The following PSD2 variants were observed in gnomAD, a reference collection of about 807,000 sequenced individuals.
PSD2 encodes the protein pleckstrin and Sec7 domain containing 2, also known as PH and SEC7 domain-containing protein 2.
In PSD2, 38 loss-of-function variants were observed where a neutral mutation model predicts 69.8. The observed-to-expected ratio is 0.54, with a 90% CI of 0.42 to 0.71. PSD2 has a LOEUF of 0.71. Among genes scored for constraint, PSD2 ranks in the 30% least tolerant of loss-of-function variants. The pLI is 0.00. For synonymous variants in PSD2, 412 were observed against 423.0 expected (o/e 0.97, Z 0.32); for missense variants, 943 against 1,014.5 (o/e 0.93, Z 0.96).
chr5:139,753,742 G>T, the PSD2 span, among the ~76,000 whole-genome samples: 1 of 152,144 alleles, frequency 6.6e-6, no homozygotes, highest in Non-Finnish European at 1.5e-5. Context: ...CTCTCAGGAC[G>T]CCTGCTGCAT....
the PSD2 span, among the ~76,000 whole-genome samples, chr5:139,759,444 C>T: frequency 6.6e-6 from 1 of 152,110 alleles, no homozygotes; most frequent in African/African-American, 2.4e-5. Context: ...CACCGTATAT[C>T]ATGTCTGCAG....
At chr5:139,751,255 G>T in the PSD2 span, among the ~76,000 whole-genome samples, 3 of 152,126 alleles carry the variant, frequency 2.0e-5, no homozygotes, top group Non-Finnish European at 2.9e-5. Flanking sequence ...CCTGAGAGGG[G>T]GGCGGAGGTG....
intron 1 of PSD2, among the ~76,000 whole-genome samples, chr5:139,804,642 G>T (rs536652672): frequency 1.3e-5 from 2 of 152,224 alleles, no homozygotes; most frequent in South Asian, 2.1e-4. Context: ...TGCTTCCCTG[G>T]GTCAGCTGTG....
intron 1 of PSD2, among the ~76,000 whole-genome samples, chr5:139,807,004 G>C (rs562064232): frequency 1.3e-5 from 2 of 152,360 alleles, no homozygotes; most frequent in East Asian, 3.9e-4. Context: ...GCTGGAGCTA[G>C]CCTGAGGCAG....
chr5:139,809,671 C>T lies in PSD2; in HGVS notation c.231C>T (p.Leu77=), dbSNP rs1240546109. 1 of 1,614,142 alleles carries T rather than the reference C, an allele frequency of 6.2e-7. No individual in the cohort carries two copies. Among genetic ancestry groups the T allele is most frequent in the African/African-American group, 1.3e-5 (1 of 74,942 alleles). The change falls in exon 2 of 15, where the codon CTC becomes CTT. Residue 77 remains leucine (L), a synonymous_variant. Transcript: ENST00000274710. ...ATGGCCTCAGCCTTGGCCTCTCTCT[C>T]ACCAATGGCCTAGCCCTGGGGCCAG... is the stretch of plus-strand genomic sequence containing the variant. The part of the protein sequence containing the change: ...AFHGLSLGLS[L]TNGLALGPDL...
chr5:139,783,607 A>G, the PSD2 span, among the ~76,000 whole-genome samples: 1 of 152,164 alleles, frequency 6.6e-6, no homozygotes, highest in East Asian at 1.9e-4. Flanking sequence ...TCTGAAGTTT[A>G]TGAATTGTAG....
chr5:139,814,319 T>C lies in PSD2; in HGVS notation c.971T>C (p.Leu324Pro). 6.2e-7 allele frequency: 1 copy of C among 1,612,090 alleles called. No homozygotes were observed. Among genetic ancestry groups the C allele is most frequent in the Non-Finnish European group, 8.5e-7 (1 of 1,179,266 alleles). The stretch of plus-strand genomic sequence containing the variant: ...CGGCTGGCACGCCGTCTCTACCACC[T>C]CGAGGGCTTCCAGCGCTGTGATGTG... ...AHRLARRLYH[L>P]EGFQRCDVAR... is the part of the protein sequence containing the mutation. The change falls in exon 4 of 15, where the codon CTC becomes CCC. Residue 324 changes from leucine to proline, a missense_variant. Physicochemically the swap from Leu to Pro is moderately conservative, Grantham distance 98. Transcript: ENST00000274710. The surrounding 1 kb of genome is among the most constrained non-coding windows in gnomAD (Gnocchi z 4.4).
chr5:139,770,111 C>T, the PSD2 span, among the ~76,000 whole-genome samples: 6,187 of 152,260 alleles, frequency 0.041, 175 homozygotes, highest in East Asian at 0.089. Flanking sequence ...GACCCCACCA[C>T]ATGTGGGGGC....
intron 7 of PSD2, among the ~76,000 whole-genome samples, chr5:139,830,364 T>TCC (rs1175092484): frequency 7.1e-6 from 1 of 140,590 alleles, no homozygotes; most frequent in Non-Finnish European, 1.5e-5. Flanking sequence ...TTTTTTTTTT[T>TCC]CCTTTTGAGA....
chr5:139,840,872 A>T (rs891249855), intron 14 of PSD2, among the ~76,000 whole-genome samples: 1 of 152,098 alleles, frequency 6.6e-6, no homozygotes, highest in Admixed American at 6.5e-5. Context: ...TTTAATTTGG[A>T]TTTTAAAACA....
chr5:139,771,791 C>T, the PSD2 span, among the ~76,000 whole-genome samples: 4 of 152,124 alleles, frequency 2.6e-5, no homozygotes, highest in Non-Finnish European at 5.9e-5. Context: ...GGCAGTGTAG[C>T]GCATATGGGG....
At chr5:139,755,922 G>A in the PSD2 span, among the ~76,000 whole-genome samples, 135,165 of 152,116 alleles carry the variant, frequency 0.89, 60,079 homozygotes, top group East Asian at 0.9. Context: ...CTTAAAAAAA[G>A]CACAATGCAA....
At chr5:139,768,736 A>C in the PSD2 span, among the ~76,000 whole-genome samples, 157 of 151,876 alleles carry the variant, frequency 1.0e-3, no homozygotes, top group Non-Finnish European at 1.8e-3. Context: ...AAAAAAAAAA[A>C]AACAACACCT....
the PSD2 span, among the ~76,000 whole-genome samples, chr5:139,755,489 C>G: frequency 6.6e-6 from 1 of 152,070 alleles, no homozygotes; most frequent in East Asian, 1.9e-4. Flanking sequence ...CTGCGTCATT[C>G]TGTGTCCCTC....
Position 139,814,472 on chromosome 5 carries a change from C to A in PSD2, c.1016+108C>A. 2 of 989,794 alleles carry A rather than the reference C, an allele frequency of 2.0e-6. No individual in the cohort carries two copies. The highest frequency in any genetic ancestry group is 1.9e-5 in the South Asian group (1 of 53,360). 61.3% of individuals were successfully genotyped at this position (989,794 alleles called of 1,614,324 possible). On this transcript the variant is annotated intron_variant, in intron 4 of 14. Coordinates refer to ENST00000274710, the MANE Select transcript of PSD2 (RefSeq NM_032289.4). This position sits in a 1 kb window ranked among gnomAD's most constrained non-coding sequence, Gnocchi z 4.4. ...AGGGGTGCCAGGTGCTGGGGGGGCA[C>A]TCCCAACAGTTCCCCAAGGACACCT...
At chr5:139,791,967 G>A (rs1028401618), upstream of PSD2, among the ~76,000 whole-genome samples, 6 of 152,186 alleles carry the variant, frequency 3.9e-5, no homozygotes, top group African/African-American at 1.4e-4. Flanking sequence ...GCTGGGGAGT[G>A]GAGAGGAATT....
the PSD2 span, among the ~76,000 whole-genome samples, chr5:139,752,641 A>G: frequency 2.0e-5 from 3 of 152,148 alleles, no homozygotes; most frequent in Admixed American, 2.0e-4. Context: ...ACAGGCACAC[A>G]TAGGTCAGGC....
intron 9 of PSD2, 81 bp downstream of exon 9, chr5:139,835,847 G>A (rs1250896971): frequency 7.4e-7 from 1 of 1,358,010 alleles, no homozygotes; most frequent in African/African-American, 1.4e-5. Flanking sequence ...CCGACATTCT[G>A]ACCACTCTCC....
the PSD2 span, among the ~76,000 whole-genome samples, chr5:139,749,473 G>T: frequency 6.6e-6 from 1 of 152,206 alleles, no homozygotes; most frequent in African/African-American, 2.4e-5. Flanking sequence ...AGGATGTGCT[G>T]GCCCTGTGCC....
Sources: gnomAD v4.1 joint callset for allele counts (sites outside exome capture counted in the v4.1 genomes callset) on GRCh38, gnomAD v4.1.1 for gene constraint, Gnocchi (gnomAD v3.1) non-coding constraint, MANE v1.5 for transcripts, NCBI Gene and HGNC (gene_info 2026-07-23, HGNC 2026-07-21) for gene names.